HECW2: variants seen among roughly 807,000 people sequenced by gnomAD.
The protein encoded by HECW2 is HECT, C2 and WW domain containing E3 ubiquitin protein ligase 2.
Under a neutral mutation model 175.2 loss-of-function variants are expected in HECW2, and 61 were observed. That is an observed-to-expected ratio of 0.35 (90% CI 0.28 to 0.43). The LOEUF is 0.43. Among genes scored for constraint, HECW2 ranks in the 20% least tolerant of loss-of-function variants. The probability of loss-of-function intolerance (pLI) is 1.00; values close to 1 mark genes in which losing one functional copy is unlikely to be tolerated. For missense variants in HECW2, 1,524 were observed against 2,000.5 expected, an observed-to-expected ratio of 0.76 and a Z score of 4.54; for synonymous variants, 671 against 731.0, an observed-to-expected ratio of 0.92 and a Z score of 1.32.
chr2:196,314,728 G>A lies in HECW2; in HGVS notation c.2434+2546C>T, dbSNP rs369848338. ...TGTGCTTTGTAAAGTGTAAATCACC[G>A]CAAAAATGAAGTTATAATAACTAAC... On this transcript the variant is annotated intron_variant, in intron 10 of 28. Transcript: ENST00000644978. Among the ~76,000 whole-genome samples the A allele has an allele frequency of 7.2e-5, 11 of 152,198 alleles. No homozygotes were observed. The East Asian group carries it at 9.6e-4, about 13-fold the overall frequency.
intron 2 of HECW2, among the ~76,000 whole-genome samples, chr2:196,350,020 G>A (rs900485469): frequency 1.3e-5 from 2 of 152,092 alleles, no homozygotes; most frequent in African/African-American, 2.4e-5. Flanking sequence ...CCAGGGCAAC[G>A]AATGCCCAAC....
intron 1 of HECW2, among the ~76,000 whole-genome samples, chr2:196,555,042 G>A (rs1277487215): frequency 3.9e-5 from 6 of 152,024 alleles, no homozygotes; most frequent in South Asian, 2.1e-4. Flanking sequence ...CTTCAAGGTC[G>A]CCCAAAATAC....
chr2:196,319,616 T>G lies in HECW2; in HGVS notation c.1274A>C (p.His425Pro). The change falls in exon 9 of 29, where the codon CAC (histidine) becomes CCC (proline). Residue 425 changes from histidine (H) to proline (P), a missense_variant. Physicochemically the swap from His to Pro is moderately conservative, Grantham distance 77 (BLOSUM62 -2). Around this residue, in one of 11 missense-constraint regions of HECW2, gnomAD observed 604 missense variants for 588.3 expected, o/e 1.03. Coordinates refer to ENST00000644978, the MANE Select transcript of HECW2 (RefSeq NM_001348768.2). Reference sequence around the variant, plus strand: ...TGTCCCCGGCCTGGAGTGGCCATTGTGTTCGATAGCATCTAAGTAATCATT... The same window carrying G: ...TGTCCCCGGCCTGGAGTGGCCATTGGGTTCGATAGCATCTAAGTAATCATT... ...SLNDYLDAIE[H>P]NGHSRPGTAT... 6.2e-7 allele frequency: 1 copy of G among 1,614,238 alleles called. No homozygotes were observed. The highest frequency in any genetic ancestry group is 1.3e-5 in the African/African-American group (1 of 75,074).
intron 1 of HECW2, among the ~76,000 whole-genome samples, chr2:196,538,056 C>A (rs1689079726): frequency 6.6e-6 from 1 of 152,134 alleles, no homozygotes; most frequent in Non-Finnish European, 1.5e-5. Context: ...GGATCAGGAC[C>A]CCTGTCCTGT....
At chr2:196,439,980 T>A (rs1228091473) in intron 1 of HECW2, among the ~76,000 whole-genome samples, 1 of 152,016 alleles carries the variant, frequency 6.6e-6, no homozygotes, top group Non-Finnish European at 1.5e-5. Flanking sequence ...ATATAGGGGA[T>A]AAAAGTGAGG....
At chr2:196,585,760 C>G (rs1342286694) in intron 1 of HECW2, among the ~76,000 whole-genome samples, 1 of 152,088 alleles carries the variant, frequency 6.6e-6, no homozygotes, top group Non-Finnish European at 1.5e-5. Flanking sequence ...TCCAATACCA[C>G]TATAAGACCA....
intron 1 of HECW2, among the ~76,000 whole-genome samples, chr2:196,478,724 T>C (rs1437371364): frequency 6.6e-6 from 1 of 152,042 alleles, no homozygotes; most frequent in South Asian, 2.1e-4. Flanking sequence ...CAGGGCAGTT[T>C]AAGGCCCTAG....
chr2:196,582,553 G>A (rs1358833487), intron 1 of HECW2, among the ~76,000 whole-genome samples: 1 of 152,164 alleles, frequency 6.6e-6, no homozygotes, highest in Non-Finnish European at 1.5e-5. Flanking sequence ...TTTTAAATCA[G>A]GCCATCAAAG....
intron 19 of HECW2, among the ~76,000 whole-genome samples, chr2:196,244,075 T>C (rs549314670): frequency 1.3e-5 from 2 of 152,360 alleles, no homozygotes; most frequent in African/African-American, 2.4e-5. Flanking sequence ...GTTCATTACA[T>C]ACCATGTAAG....
intron 17 of HECW2, among the ~76,000 whole-genome samples, chr2:196,265,896 C>T (rs1442013848): frequency 6.6e-6 from 1 of 152,138 alleles, no homozygotes; most frequent in Admixed American, 6.5e-5. Flanking sequence ...AAACCTAGGC[C>T]TTTCTGGCTC....
intron 1 of HECW2, among the ~76,000 whole-genome samples, chr2:196,517,992 C>T (rs1205433906): frequency 1.3e-5 from 2 of 152,158 alleles, no homozygotes; most frequent in African/African-American, 4.8e-5. Context: ...ATGCACTTTA[C>T]AATTCAAATG....
At position 196,196,485 on chromosome 2, in the gene HECW2, A is replaced by G. The variant is rs1458903027; in HGVS notation, c.*4792T>C. On this transcript the variant is annotated 3_prime_UTR_variant, in exon 29 of 29. Coordinates refer to ENST00000644978, the MANE Select transcript of HECW2 (RefSeq NM_001348768.2). ...GCTAAGGTCCAGAGTGCTGTCCCTCACCTACTAAATCAGAAAGCAGACAAA... is the reference window on the plus strand; with the variant it reads ...GCTAAGGTCCAGAGTGCTGTCCCTCGCCTACTAAATCAGAAAGCAGACAAA... 1 of 152,250 alleles carries G rather than the reference A, an allele frequency of 6.6e-6. No individual in the cohort carries two copies. Among genetic ancestry groups the G allele is most frequent in the East Asian group, 1.9e-4 (1 of 5,200 alleles). 9.4% of individuals were successfully genotyped at this position (152,250 alleles called of 1,614,324 possible). A position where few individuals can be genotyped will look rare whatever the true frequency, so the allele number is the denominator to read the frequency against.
intron 2 of HECW2, among the ~76,000 whole-genome samples, chr2:196,411,881 A>G (rs887183689): frequency 6.6e-6 from 1 of 152,194 alleles, no homozygotes; most frequent in African/African-American, 2.4e-5. Flanking sequence ...GTAGTGGCGC[A>G]CACCTGTAGT....
chr2:196,526,440 A>G (rs1452773253), intron 1 of HECW2, among the ~76,000 whole-genome samples: 1 of 151,040 alleles, frequency 6.6e-6, no homozygotes, highest in Non-Finnish European at 1.5e-5. Flanking sequence ...CCCGTAGCTC[A>G]GAGTAATTTG....
chr2:196,394,568 A>G (rs566435489), intron 2 of HECW2, among the ~76,000 whole-genome samples: 1 of 108,824 alleles, frequency 9.2e-6, no homozygotes, highest in Non-Finnish European at 2.0e-5. Flanking sequence ...CGAGAGCCAG[A>G]AAGATGAACG....
chr2:196,225,339 C>T (rs933334459), intron 23 of HECW2, among the ~76,000 whole-genome samples: 9 of 152,028 alleles, frequency 5.9e-5, no homozygotes, highest in African/African-American at 1.9e-4. Context: ...AAGATTTGAA[C>T]GAGGAGTAAG....
chr2:196,203,261 T>C (rs1298426816), intron 28 of HECW2, among the ~76,000 whole-genome samples: 1 of 152,156 alleles, frequency 6.6e-6, no homozygotes, highest in Non-Finnish European at 1.5e-5. Context: ...TTTGATACAA[T>C]AAGCATTTCA....
intron 28 of HECW2, among the ~76,000 whole-genome samples, chr2:196,202,724 C>T (rs78763564): frequency 0.018 from 2,668 of 152,206 alleles, 76 homozygotes; most frequent in African/African-American, 0.061. Flanking sequence ...AGGTGTGTGG[C>T]CACATGGCTT....
intron 1 of HECW2, among the ~76,000 whole-genome samples, chr2:196,511,004 C>T (rs1240360206): frequency 1.3e-5 from 2 of 152,082 alleles, no homozygotes; most frequent in African/African-American, 2.4e-5. Flanking sequence ...CTCACTCTGT[C>T]GCCCAGGCTG....
Sources: allele counts gnomAD v4.1 joint callset (sites outside exome capture counted in the v4.1 genomes callset), GRCh38; gene constraint gnomAD v4.1.1; regional missense constraint gnomAD v4.1.1; transcripts MANE v1.5; gene names NCBI Gene and HGNC (gene_info 2026-07-23, HGNC 2026-07-21).